The following LRBA variants were observed in gnomAD, a reference collection of about 807,000 sequenced individuals.
LRBA encodes the protein LPS responsive beige-like anchor protein.
Under a neutral mutation model 330.0 loss-of-function variants are expected in LRBA, and 176 were observed. The observed-to-expected ratio is 0.53, with a 90% CI of 0.47 to 0.60. The LOEUF (loss-of-function observed/expected upper bound fraction) is 0.60. LRBA is among the 20% of genes least tolerant of loss of function. The pLI is 0.00. For synonymous variants in LRBA, 1,230 were observed against 1,193.0 expected (o/e 1.03, Z -0.64); for missense variants, 3,259 against 3,444.8 (o/e 0.95, Z 1.35).
Position 150,302,642 on chromosome 4 carries a change from A to G in LRBA, c.8000T>C (p.Ile2667Thr). The G allele has an allele frequency of 6.2e-7, 1 of 1,609,888 alleles. No individual in the cohort carries two copies. The highest frequency in any genetic ancestry group is 8.5e-7 in the Non-Finnish European group (1 of 1,177,762). ...ATACTTACTGCCTGGGTTATCTCCA[A>G]TCCCACTGCATTTTCCATTCCAATA... Reference protein sequence around the residue: ...LWYWNGKCSGIGDNPGSETAA... With the variant: ...LWYWNGKCSGTGDNPGSETAA... The change falls in exon 53 of 57, where the codon ATT becomes ACT. Residue 2667 changes from isoleucine (I) to threonine (T), a missense_variant. Ile to Thr is a moderately conservative substitution (Grantham distance 89). Transcript: ENST00000651943.
intron 35 of LRBA, among the ~76,000 whole-genome samples, chr4:150,743,716 C>A (rs1732319473): frequency 6.6e-6 from 1 of 152,146 alleles, no homozygotes; most frequent in South Asian, 2.1e-4. Flanking sequence ...GTGAAAAAGA[C>A]CATGTGTACT....
At chr4:150,281,236 C>A (rs1305052164) in intron 55 of LRBA, among the ~76,000 whole-genome samples, 1 of 152,104 alleles carries the variant, frequency 6.6e-6, no homozygotes. Context: ...AAAAGAAAAT[C>A]CTCTGATGTG....
At chr4:150,582,867 G>A (rs560611550) in intron 40 of LRBA, 10 of 688,680 alleles carry the variant, frequency 1.5e-5, no homozygotes, top group Middle Eastern at 4.3e-4. Flanking sequence ...AGCCGGCTAC[G>A]GTATCAGCCG....
intron 33 of LRBA, among the ~76,000 whole-genome samples, chr4:150,798,469 T>G (rs1424627644): frequency 6.6e-6 from 1 of 152,206 alleles, no homozygotes; most frequent in Non-Finnish European, 1.5e-5. Context: ...TGGAGAGAGT[T>G]GATCGTTATA....
intron 44 of LRBA, among the ~76,000 whole-genome samples, chr4:150,449,273 C>T (rs773729535): frequency 1.9e-4 from 29 of 152,106 alleles, no homozygotes; most frequent in Non-Finnish European, 3.5e-4. Flanking sequence ...AAAGCAAAAG[C>T]CCTTTCAAGA....
intron 17 of LRBA, among the ~76,000 whole-genome samples, chr4:150,877,512 A>G (rs1342679597): frequency 6.6e-6 from 1 of 152,254 alleles, no homozygotes; most frequent in African/African-American, 2.4e-5. Flanking sequence ...CCAATAGTAG[A>G]GCAATCAGAT....
chr4:150,422,693 C>T, intron 46 of LRBA: 1 of 711,746 alleles, frequency 1.4e-6, no homozygotes, highest in East Asian at 2.7e-5. Flanking sequence ...GAGACTGGCA[C>T]TGTGGGCACC....
At chr4:150,348,251 A>G (rs947741593) in intron 48 of LRBA, among the ~76,000 whole-genome samples, 1 of 152,228 alleles carries the variant, frequency 6.6e-6, no homozygotes, top group African/African-American at 2.4e-5. Flanking sequence ...TAGCTGATTG[A>G]GTGTACTACT....
rs1321067267 is a variant in LRBA, at chr4:150,507,366, G to A, written c.6331-16331C>T. Among the ~76,000 whole-genome samples the A allele has an allele frequency of 3.3e-5, 5 of 152,228 alleles. No homozygotes were observed. In the South Asian group the frequency reaches 1.0e-3, roughly 32 times the overall value. On this transcript the variant is annotated intron_variant, in intron 40 of 56. Transcript: ENST00000651943. Reference sequence around the variant, plus strand: ...CAGTAACCAAAACAGCATGGTACTGGTATCAAAACAGAGATATAGACCAAT... The same window carrying A: ...CAGTAACCAAAACAGCATGGTACTGATATCAAAACAGAGATATAGACCAAT...
chr4:150,608,750 ATTCCACATC>A (rs2126562953), intron 37 of LRBA, among the ~76,000 whole-genome samples: 1 of 152,354 alleles, frequency 6.6e-6, no homozygotes, highest in East Asian at 1.9e-4. Flanking sequence ...ATTACCCGTC[ATTCCACATC>A]TTCCCTTCCT....
intron 37 of LRBA, among the ~76,000 whole-genome samples, chr4:150,641,872 G>C (rs1319390902): frequency 6.6e-6 from 1 of 151,984 alleles, no homozygotes; most frequent in African/African-American, 2.4e-5. Context: ...ACAGAAATAA[G>C]TGAAGCATGA....
chr4:150,828,160 C>T lies in LRBA; in HGVS notation c.5171+20G>A, dbSNP rs116225517. On this transcript the variant is annotated intron_variant, in intron 30 of 56. Transcript: ENST00000651943. The stretch of plus-strand genomic sequence containing the variant: ...GGTCAGATGTAGAAACATACCAAAA[C>T]GAAAAACTATTATCAGTACCTGTCA... 16,356 of 1,606,786 alleles carry T rather than the reference C, an allele frequency of 0.01. 91 individuals are homozygous for T. Among genetic ancestry groups the T allele is most frequent in the Non-Finnish European group, 0.012 (14,375 of 1,175,062 alleles).
intron 40 of LRBA, among the ~76,000 whole-genome samples, chr4:150,502,153 T>G (rs1452453392): frequency 6.6e-6 from 1 of 152,136 alleles, no homozygotes; most frequent in Non-Finnish European, 1.5e-5. Context: ...GTGAGACCAG[T>G]GAAAGAATCA....
rs573502238 is a variant in LRBA at position 150,434,848 on chromosome 4, A to G, written c.7041+741T>C. Among the ~76,000 whole-genome samples the G allele has an allele frequency of 2.2e-3, 326 of 151,624 alleles. 3 individuals are homozygous for G. The highest frequency in any genetic ancestry group is 7.6e-3 in the African/African-American group (314 of 41,304). ...CCTCTAGCCTGAGTGACAAAGCGAG[A>G]CCTTGTTTCAAGAAAAAAAAAAAAG... On this transcript the variant is annotated intron_variant, in intron 46 of 56. Transcript: ENST00000651943.
intron 37 of LRBA, among the ~76,000 whole-genome samples, chr4:150,650,735 C>T (rs1045244403): frequency 3.3e-5 from 5 of 152,032 alleles, no homozygotes; most frequent in Non-Finnish European, 7.4e-5. Context: ...CTGAAATTAA[C>T]TGCCATGAAT....
At chr4:150,721,881 T>C (rs1728987102) in intron 36 of LRBA, among the ~76,000 whole-genome samples, 1 of 152,220 alleles carries the variant, frequency 6.6e-6, no homozygotes, top group East Asian at 1.9e-4. Context: ...CCTCCCAAAG[T>C]GCTGGAATTA....
chr4:150,831,200 CT>C lies in LRBA; in HGVS notation c.4729+616del, dbSNP rs77038090. On this transcript the variant is annotated intron_variant, in intron 29 of 56. Transcript: ENST00000651943. ...ATATTTTTACCATCTTTATTACTTT[CT>C]TTTTTTTTTTTTTTAGCACTTTCAC... Among the ~76,000 whole-genome samples, 613 of 138,202 alleles carry C rather than the reference CT, an allele frequency of 4.4e-3. 2 individuals carry two copies. Among genetic ancestry groups the C allele is most frequent in the South Asian group, 0.012 (50 of 4,222 alleles). The allele number at this position is 138,202 out of a possible 152,430, so 90.7% of individuals were successfully genotyped here.
Position 150,583,998 on chromosome 4 carries a change from C to T in LRBA, c.6330+4050G>A, listed in dbSNP as rs1211252352. 6 of 1,614,056 alleles carry T rather than the reference C, an allele frequency of 3.7e-6. No homozygotes were observed. Among genetic ancestry groups the T allele is most frequent in the Non-Finnish European group, 4.2e-6 (5 of 1,180,028 alleles). On this transcript the variant is annotated intron_variant, in intron 40 of 56. Transcript: ENST00000651943. The surrounding 1 kb of genome is among the most constrained non-coding windows in gnomAD (Gnocchi z 9.8). ...GCTGCCCTCACTACTTTCTGCCCAA[C>T]CTCGACCTCTTTCAGGGCAAGCCCC...
intron 44 of LRBA, among the ~76,000 whole-genome samples, chr4:150,444,579 C>T (rs1481129084): frequency 6.6e-6 from 1 of 152,136 alleles, no homozygotes. Flanking sequence ...CTTATCCTCA[C>T]ATGCTCTAGA....
Sources: allele counts gnomAD v4.1 joint callset (sites outside exome capture counted in the v4.1 genomes callset), GRCh38; gene constraint gnomAD v4.1.1; non-coding constraint Gnocchi (gnomAD v3.1); transcripts MANE v1.5; gene names NCBI Gene and HGNC (gene_info 2026-07-23, HGNC 2026-07-21).